NVL: variants seen among roughly 807,000 people sequenced by gnomAD.
NVL encodes the protein nuclear valosin-containing protein-like.
NVL carries 84 observed loss-of-function variants against 110.2 expected under a neutral mutation model. That is an observed-to-expected ratio of 0.76 (90% CI 0.64 to 0.91). The LOEUF is 0.91. Among genes scored for constraint, NVL ranks in the 40% least tolerant of loss-of-function variants. The pLI, the probability that NVL is intolerant of heterozygous loss-of-function variation, is 0.00. For missense variants in NVL, 882 were observed against 1,035.9 expected (o/e 0.85, Z 2.04); for synonymous variants, 354 against 361.1 (o/e 0.98, Z 0.22).
Position 224,268,167 on chromosome 1 carries a change from C to G in NVL, c.2083-34G>C, listed in dbSNP as rs1228422355. The G allele has an allele frequency of 2.1e-6, 3 of 1,450,244 alleles. No individual in the cohort carries two copies. In the Admixed American group the frequency reaches 5.6e-5, roughly 27 times the overall value. The allele number at this position is 1,450,244 out of a possible 1,614,324, so 89.8% of individuals were successfully genotyped here. A position where few individuals can be genotyped will look rare whatever the true frequency, so the allele number is the denominator to read the frequency against. On this transcript the variant is annotated intron_variant, in intron 17 of 22. Coordinates refer to ENST00000281701, the MANE Select transcript of NVL (RefSeq NM_002533.4). ...ACATAAATCTGGTTCCATCAGCTCTCAATACAAAGGAAAAATACCCATTTT... is the reference window on the plus strand; with the variant it reads ...ACATAAATCTGGTTCCATCAGCTCTGAATACAAAGGAAAAATACCCATTTT...
chr1:224,325,652 G>A (rs1181976823), intron 2 of NVL, among the ~76,000 whole-genome samples: 3 of 152,028 alleles, frequency 2.0e-5, no homozygotes, highest in Non-Finnish European at 4.4e-5. Flanking sequence ...AGAATTGCTT[G>A]AACCTGGGAA....
At chr1:224,228,117 T>G (rs1659393637) in intron 22 of NVL, 2 of 152,224 alleles carry the variant, frequency 1.3e-5, no homozygotes, top group Admixed American at 1.3e-4. Context: ...TATTTTACCT[T>G]CCTGCATCTA....
chr1:224,280,459 C>T (rs933686592), intron 16 of NVL, among the ~76,000 whole-genome samples: 3 of 151,968 alleles, frequency 2.0e-5, no homozygotes, highest in Non-Finnish European at 4.4e-5. Context: ...ACATCTAATA[C>T]CACCTCTGCT....
At chr1:224,238,387 G>A (rs545787424) in intron 19 of NVL, among the ~76,000 whole-genome samples, 79 of 152,280 alleles carry the variant, frequency 5.2e-4, no homozygotes, top group African/African-American at 1.8e-3. Flanking sequence ...CAGGCACAGG[G>A]TTCGGCGACC....
intron 6 of NVL, among the ~76,000 whole-genome samples, chr1:224,306,608 G>T (rs1668945382): frequency 6.6e-6 from 1 of 152,114 alleles, no homozygotes; most frequent in Non-Finnish European, 1.5e-5. Context: ...GAGGTGGGTG[G>T]ATCACTTGAG....
At chr1:224,313,113 TGTGCCA>T in intron 4 of NVL, 1 of 377,532 alleles carries the variant, frequency 2.6e-6, no homozygotes, top group South Asian at 1.9e-5. Flanking sequence ...AAGCCATGAT[TGTGCCA>T]GTGCACTGAA....
chr1:224,304,842 A>G, intron 7 of NVL, 30 bp from the exon 8 acceptor site: 1 of 1,581,916 alleles, frequency 6.3e-7, no homozygotes, highest in Non-Finnish European at 8.7e-7. Context: ...AGATGAAAAG[A>G]TTAATGATTC....
intron 19 of NVL, among the ~76,000 whole-genome samples, chr1:224,236,838 G>T (rs1660542720): frequency 6.6e-6 from 1 of 152,188 alleles, no homozygotes; most frequent in African/African-American, 2.4e-5. Flanking sequence ...TCAAGCCCTG[G>T]AGGTGGAGGT....
intron 1 of NVL, among the ~76,000 whole-genome samples, chr1:224,328,753 C>T (rs934580179): frequency 3.3e-5 from 5 of 152,064 alleles, no homozygotes; most frequent in Non-Finnish European, 5.9e-5. Context: ...GTATCATTTA[C>T]TGAGATACAG....
chr1:224,277,029 G>A (rs756145571), intron 16 of NVL, among the ~76,000 whole-genome samples: 4 of 150,146 alleles, frequency 2.7e-5, no homozygotes, highest in African/African-American at 7.4e-5. Flanking sequence ...TCATTTGACC[G>A]AAACCAAACC....
At chr1:224,313,117 C>G (rs761845557) in intron 4 of NVL, 14 of 363,532 alleles carry the variant, frequency 3.9e-5, no homozygotes, top group Non-Finnish European at 1.7e-5. Context: ...CATGATTGTG[C>G]CAGTGCACTG....
intron 22 of NVL, among the ~76,000 whole-genome samples, chr1:224,230,610 A>T (rs1232733437): frequency 1.3e-5 from 2 of 152,036 alleles, no homozygotes; most frequent in African/African-American, 4.8e-5. Flanking sequence ...TCTCAAAAAA[A>T]TAAAAAAAAA....
chr1:224,233,179 G>A (rs377708592), intron 21 of NVL, 22 bp downstream of exon 21: 2 of 1,589,372 alleles, frequency 1.3e-6, no homozygotes, highest in Non-Finnish European at 1.7e-6. Flanking sequence ...TTAGAATTGA[G>A]AGATTCTGGA....
chr1:224,273,030 T>G (rs1202163456), intron 17 of NVL, among the ~76,000 whole-genome samples: 1 of 95,992 alleles, frequency 1.0e-5, no homozygotes, highest in African/African-American at 3.8e-5. Flanking sequence ...CGAGACTCCG[T>G]CTCAAAAAAA....
chr1:224,289,965 T>C (rs1667220978), intron 12 of NVL, among the ~76,000 whole-genome samples: 1 of 152,236 alleles, frequency 6.6e-6, no homozygotes, highest in African/African-American at 2.4e-5. Context: ...CTAAGTGCTG[T>C]GACGAATACA....
rs543961541 is a variant in NVL at position 224,300,892 on chromosome 1, G to T, written c.961-229C>A. On this transcript the variant is annotated intron_variant, in intron 9 of 22. Coordinates refer to ENST00000281701, the MANE Select transcript of NVL (RefSeq NM_002533.4). ...GGCTGAGGTGGGCGGATCACCTGAGGTCAGGAGTTCGAGACCACCCTGACC... is the reference window on the plus strand; with the variant it reads ...GGCTGAGGTGGGCGGATCACCTGAGTTCAGGAGTTCGAGACCACCCTGACC... 6.6e-4 allele frequency among the ~76,000 whole-genome samples: 101 copies of T among 152,076 alleles called. 4 individuals carry two copies. The South Asian group carries it at 0.021, about 31-fold the overall frequency.
intron 18 of NVL, among the ~76,000 whole-genome samples, chr1:224,259,512 G>A (rs777827606): frequency 3.9e-5 from 6 of 152,112 alleles, no homozygotes; most frequent in African/African-American, 7.2e-5. Flanking sequence ...TTACATCTCA[G>A]TAAAGCTTTT....
chr1:224,287,768 T>G lies in NVL; in HGVS notation c.1794+7A>C. ...TGCCAATAATATTTGGCAGCTGATA[T>G]ACCTACCAATATTGCCATGGTGAGC... On this transcript the variant is annotated splice_region_variant and intron_variant, in intron 14 of 22. Coordinates refer to ENST00000281701, the MANE Select transcript of NVL (RefSeq NM_002533.4). 1 of 1,609,186 alleles carries G rather than the reference T, an allele frequency of 6.2e-7. No homozygotes were observed. The highest frequency in any genetic ancestry group is 8.5e-7 in the Non-Finnish European group (1 of 1,175,614).
At chr1:224,292,254 A>G (rs1667447918) in intron 12 of NVL, among the ~76,000 whole-genome samples, 1 of 152,210 alleles carries the variant, frequency 6.6e-6, no homozygotes, top group Admixed American at 6.5e-5. Flanking sequence ...AAAAATAGTA[A>G]TAATAAAAGA....
Sources: allele counts gnomAD v4.1 joint callset (sites outside exome capture counted in the v4.1 genomes callset), GRCh38; gene constraint gnomAD v4.1.1; transcripts MANE v1.5; gene names NCBI Gene and HGNC (gene_info 2026-07-23, HGNC 2026-07-21).